The following CAMSAP1 variants were observed in gnomAD, a reference collection of about 807,000 sequenced individuals.
The protein encoded by CAMSAP1 is calmodulin regulated spectrin associated protein 1.
Under a neutral mutation model 143.5 loss-of-function variants are expected in CAMSAP1, and 58 were observed. That is an observed-to-expected ratio of 0.40 (90% CI 0.33 to 0.50). CAMSAP1 has a LOEUF of 0.50. CAMSAP1 is among the 20% of genes least tolerant of loss of function. CAMSAP1 has a pLI of 0.45. For synonymous variants in CAMSAP1, 945 were observed against 859.3 expected, an observed-to-expected ratio of 1.10 and a Z score of -1.74; for missense variants, 1,969 against 2,115.7, an observed-to-expected ratio of 0.93 and a Z score of 1.36.
Position 135,817,994 on chromosome 9 carries a change from C to T in CAMSAP1, c.4254G>A (p.Gly1418=), listed in dbSNP as rs749771350. 6 of 1,613,902 alleles carry T rather than the reference C, an allele frequency of 3.7e-6. No individual in the cohort carries two copies. The highest frequency in any genetic ancestry group is 5.1e-6 in the Non-Finnish European group (6 of 1,179,884). Residue 1418 remains glycine, a synonymous_variant, in exon 14 of 17, where the codon GGG becomes GGA. Coordinates refer to ENST00000389532, the MANE Select transcript of CAMSAP1 (RefSeq NM_015447.4). ...ATTEPESVHS[G]GTPSQRVESM... The stretch of plus-strand genomic sequence containing the variant: ...CCCCTTACCGCTGAGAGGGTGTGCC[C>T]CCGGAATGAACGCTCTCGGGTTCTG...
chr9:135,838,978 C>T (rs1048674479), intron 7 of CAMSAP1, among the ~76,000 whole-genome samples: 1 of 152,118 alleles, frequency 6.6e-6, no homozygotes, highest in Non-Finnish European at 1.5e-5. Context: ...TGCAGACACA[C>T]GTCACCACGC....
At chr9:135,836,535 G>A (rs1372880752) in intron 7 of CAMSAP1, 1 of 964,828 alleles carries the variant, frequency 1.0e-6, no homozygotes, top group Non-Finnish European at 1.2e-6. Flanking sequence ...CAGCCACACA[G>A]TCATGTACCT....
chr9:135,852,940 T>C (rs1404185400), intron 5 of CAMSAP1, among the ~76,000 whole-genome samples: 1 of 152,186 alleles, frequency 6.6e-6, no homozygotes, highest in African/African-American at 2.4e-5. Flanking sequence ...AATGGAAAGA[T>C]GCACTGAGGC....
rs536819944 is a variant in CAMSAP1, at chr9:135,809,141, C to G, written c.*2168G>C. On this transcript the variant is annotated 3_prime_UTR_variant, in exon 17 of 17. Transcript: ENST00000389532. ...CCAGAAAGGCCCAAAAGCACCACCA[C>G]GAAAATTAATCCTGTGTCTGAAACT... The G allele has an allele frequency of 6.6e-6, 1 of 152,174 alleles. No individual in the cohort carries two copies. Among genetic ancestry groups the G allele is most frequent in the Non-Finnish European group, 1.5e-5 (1 of 68,028 alleles). 9.4% of individuals were successfully genotyped at this position (152,174 alleles called of 1,614,324 possible). A position where few individuals can be genotyped will look rare whatever the true frequency, so the allele number is the denominator to read the frequency against.
Position 135,818,820 on chromosome 9 carries a change from C to T in CAMSAP1, c.3959+190G>A, listed in dbSNP as rs1323755546. ...GAGGCCACACAGCCTCCCTGGCCAC[C>T]GGCAACGCACGTCCTCACTGAAGAT... is the stretch of plus-strand genomic sequence containing the variant. On this transcript the variant is annotated intron_variant, in intron 12 of 16. Transcript: ENST00000389532. The surrounding 1 kb of genome is among the most constrained non-coding windows in gnomAD (Gnocchi z 7.7). Among the ~76,000 whole-genome samples, 1 of 152,182 alleles carries T rather than the reference C, an allele frequency of 6.6e-6. No homozygotes were observed. The highest frequency in any genetic ancestry group is 2.4e-5 in the African/African-American group (1 of 41,440).
intron 1 of CAMSAP1, among the ~76,000 whole-genome samples, chr9:135,888,615 G>A (rs568839211): frequency 2.6e-5 from 4 of 152,320 alleles, no homozygotes; most frequent in East Asian, 3.9e-4. Flanking sequence ...CCCCGTGGGC[G>A]GCCTGGCTAT....
At position 135,816,101 on chromosome 9, in the gene CAMSAP1, A is replaced by C. The variant is rs1835221548; in HGVS notation, c.4272-96T>G. 9.0e-6 allele frequency: 10 copies of C among 1,113,112 alleles called. No individual in the cohort carries two copies. The Admixed American group carries it at 1.8e-4, about 20-fold the overall frequency. 69.0% of individuals were successfully genotyped at this position (1,113,112 alleles called of 1,614,324 possible). ...CTGGCCCGCAACCAGGACAGGAAGC[A>C]CATCAGCAGGGGAGGAGGCTTTCGG... On this transcript the variant is annotated intron_variant, in intron 14 of 16. Transcript: ENST00000389532.
rs778865550 is a variant in CAMSAP1, at chr9:135,815,166, A to C, written c.4437T>G (p.Ile1479Met). The C allele has an allele frequency of 1.2e-6, 2 of 1,613,970 alleles. No individual in the cohort carries two copies. The highest frequency in any genetic ancestry group is 1.7e-6 in the Non-Finnish European group (2 of 1,179,874). Reference sequence around the variant, plus strand: ...GGCAGCAATGGGATATGGCATTGTGAATAATCGGCTTGTTTGATTTACTAC... The same window carrying C: ...GGCAGCAATGGGATATGGCATTGTGCATAATCGGCTTGTTTGATTTACTAC... The part of the protein sequence containing the change: ...EPSSKSNKPI[I>M]HNAISHCCLA... Residue 1479 changes from isoleucine to methionine, a missense_variant, in exon 16 of 17, where the codon ATT becomes ATG. Around this residue, in one of 4 missense-constraint regions of CAMSAP1, gnomAD observed 143 missense variants for 200.6 expected, o/e 0.71. Transcript: ENST00000389532.
intron 3 of CAMSAP1, among the ~76,000 whole-genome samples, chr9:135,878,553 C>G (rs1837828308): frequency 6.6e-6 from 1 of 152,180 alleles, no homozygotes; most frequent in African/African-American, 2.4e-5. Flanking sequence ...GAAATCGTAC[C>G]AACAGCCCCA....
chr9:135,891,764 AAG>A (rs1838297683), intron 1 of CAMSAP1, among the ~76,000 whole-genome samples: 1 of 152,226 alleles, frequency 6.6e-6, no homozygotes, highest in Admixed American at 6.5e-5. Flanking sequence ...TTAGTTATCA[AAG>A]ACTCTAAAAC....
Position 135,821,005 on chromosome 9 carries a change from T to C in CAMSAP1, c.3656A>G (p.Glu1219Gly). The C allele has an allele frequency of 6.2e-7, 1 of 1,612,884 alleles. No individual in the cohort carries two copies. The highest frequency in any genetic ancestry group is 1.1e-5 in the South Asian group (1 of 91,024). ...CAGAGGCTCCTCCACGGGGACGCTC[T>C]CTTTTCCCGAGACATCTGAGGAGCT... ...GSSSSDVSGK[E>G]SVPVEEPLRS... The change falls in exon 11 of 17, where the codon GAG becomes GGG. Residue 1219 changes from glutamate (E) to glycine (G), a missense_variant. Physicochemically the swap from Glu to Gly is moderately conservative, Grantham distance 98 (BLOSUM62 -2). Coordinates refer to ENST00000389532, the MANE Select transcript of CAMSAP1 (RefSeq NM_015447.4). This position sits in a 1 kb window ranked among gnomAD's most constrained non-coding sequence, Gnocchi z 4.6.
Position 135,819,183 on chromosome 9 carries a change from C to T in CAMSAP1, c.3823-37G>A, listed in dbSNP as rs770047638. 7.6e-6 allele frequency: 12 copies of T among 1,576,808 alleles called. No homozygotes were observed. In the African/African-American group the frequency reaches 1.5e-4, roughly 20 times the overall value. The stretch of plus-strand genomic sequence containing the variant: ...AGGCCACACAGAGCATGACAGGAAC[C>T]CCCTCAGACGCCGGACACGGCCGCA... On this transcript the variant is annotated intron_variant, in intron 11 of 16. Coordinates refer to ENST00000389532, the MANE Select transcript of CAMSAP1 (RefSeq NM_015447.4).
chr9:135,827,766 G>A (rs992993690), intron 7 of CAMSAP1, among the ~76,000 whole-genome samples, 182 bp from the exon 8 acceptor site: 7 of 152,172 alleles, frequency 4.6e-5, no homozygotes, highest in East Asian at 1.9e-4. Context: ...ATATTATACC[G>A]AAGTAAATAC....
At chr9:135,833,098 T>C (rs80124260) in intron 7 of CAMSAP1, among the ~76,000 whole-genome samples, 1 of 138,770 alleles carries the variant, frequency 7.2e-6, no homozygotes, top group African/African-American at 2.8e-5. Flanking sequence ...TTTTTTTTTT[T>C]TGAGACGGAG....
At chr9:135,860,477 A>C (rs1262221160) in intron 5 of CAMSAP1, among the ~76,000 whole-genome samples, 1 of 151,764 alleles carries the variant, frequency 6.6e-6, no homozygotes, top group Non-Finnish European at 1.5e-5. Context: ...GGACACCTGT[A>C]ATCCCAGCTA....
At chr9:135,813,479 A>G (rs1835124116) in intron 16 of CAMSAP1, among the ~76,000 whole-genome samples, 1 of 152,248 alleles carries the variant, frequency 6.6e-6, no homozygotes, top group South Asian at 2.1e-4. Context: ...TTAAATATGA[A>G]CAGAATTAGA....
Position 135,822,705 on chromosome 9 carries a change from C to CGGGGTA in CAMSAP1, c.1950_1955dup (p.Thr651_Pro652dup), listed in dbSNP as rs760054249. The CGGGGTA allele has an allele frequency of 1.6e-5, 26 of 1,610,358 alleles. 1 individual carries two copies. The South Asian group carries it at 2.9e-4, about 18-fold the overall frequency. ...CCATGGGGAATTCTGAGCATGGAATCGGGGTAAAAGTCCTATTCAAGTCGC... is the reference window on the plus strand; with the variant it reads ...CCATGGGGAATTCTGAGCATGGAATCGGGGTAGGGGTAAAAGTCCTATTCAAGTCGC... On this transcript the variant is annotated inframe_insertion, in exon 11 of 17. Transcript: ENST00000389532. The surrounding 1 kb of genome is among the most constrained non-coding windows in gnomAD (Gnocchi z 6.1).
At chr9:135,864,055 T>C (rs1837288450) in intron 4 of CAMSAP1, among the ~76,000 whole-genome samples, 1 of 152,212 alleles carries the variant, frequency 6.6e-6, no homozygotes, top group African/African-American at 2.4e-5. Flanking sequence ...TCTAAATCTG[T>C]CCGTCTTTCC....
intron 7 of CAMSAP1, chr9:135,836,216 A>G (rs954877264): frequency 1.0e-6 from 1 of 983,670 alleles, no homozygotes; most frequent in African/African-American, 1.8e-5. Context: ...CACATCGCCA[A>G]GTACCTTCTA....
Sources: allele counts gnomAD v4.1 joint callset (sites outside exome capture counted in the v4.1 genomes callset), GRCh38; gene constraint gnomAD v4.1.1; regional missense constraint gnomAD v4.1.1; non-coding constraint Gnocchi (gnomAD v3.1); transcripts MANE v1.5; gene names NCBI Gene and HGNC (gene_info 2026-07-23, HGNC 2026-07-21).